Variants in PSD3 observed in about 807,000 individuals in gnomAD.
The protein encoded by PSD3 is PH and SEC7 domain-containing protein 3.
In PSD3, 49 loss-of-function variants were observed where a neutral mutation model predicts 105.5. That is an observed-to-expected ratio of 0.46 (90% CI 0.37 to 0.59). PSD3 has a LOEUF of 0.59. Ranked by LOEUF, PSD3 falls within the 20% of genes least tolerant of loss-of-function variation. The probability of loss-of-function intolerance (pLI) is 0.00; values close to 1 mark genes in which losing one functional copy is unlikely to be tolerated. For missense variants in PSD3, 1,561 were observed against 1,263.8 expected, an observed-to-expected ratio of 1.24 and a Z score of -3.57; for synonymous variants, 557 against 457.8, an observed-to-expected ratio of 1.22 and a Z score of -2.77.
At chr8:18,675,146 C>T (rs1799999345) in intron 9 of PSD3, among the ~76,000 whole-genome samples, 1 of 152,148 alleles carries the variant, frequency 6.6e-6, no homozygotes, top group East Asian at 1.9e-4. Context: ...TAGGTAGGAC[C>T]TCAACCCTTT....
At chr8:18,737,679 A>G (rs757776341) in intron 9 of PSD3, among the ~76,000 whole-genome samples, 2 of 152,180 alleles carry the variant, frequency 1.3e-5, no homozygotes, top group Non-Finnish European at 2.9e-5. Flanking sequence ...AGTCTTGCAA[A>G]TATCAGTTTC....
intron 1 of PSD3, among the ~76,000 whole-genome samples, chr8:18,949,270 T>TAC (rs1823089582): frequency 9.2e-6 from 1 of 108,794 alleles, no homozygotes; most frequent in South Asian, 3.2e-4. Context: ...TATATATATA[T>TAC]ATATATATTT....
In PSD3 at chr8:18,527,662, C is replaced by G. The variant is rs767143598; in HGVS notation, c.*8081G>C. 8.5e-5 allele frequency: 13 copies of G among 152,554 alleles called. No homozygotes were observed. The highest frequency in any genetic ancestry group is 1.6e-4 in the Non-Finnish European group (11 of 68,008). The allele number at this position is 152,554 out of a possible 1,614,324, so 9.5% of individuals were successfully genotyped here. A position where few individuals can be genotyped will look rare whatever the true frequency, so the allele number is the denominator to read the frequency against. ...AATTGTAAAATGTAAACTTAATTGT[C>G]AAAATATTCTTTAAACACTTTAACA... is the stretch of plus-strand genomic sequence containing the variant. On this transcript the variant is annotated 3_prime_UTR_variant, in exon 16 of 16. Coordinates refer to ENST00000327040, the MANE Select transcript of PSD3 (RefSeq NM_015310.4).
chr8:18,797,204 C>G (rs942333815), intron 8 of PSD3, among the ~76,000 whole-genome samples: 1 of 152,086 alleles, frequency 6.6e-6, no homozygotes, highest in Non-Finnish European at 1.5e-5. Flanking sequence ...ATACATAAAA[C>G]CTAAATAGAC....
intron 1 of PSD3, among the ~76,000 whole-genome samples, chr8:19,030,997 A>C (rs1376213993): frequency 6.6e-6 from 1 of 152,180 alleles, no homozygotes; most frequent in Non-Finnish European, 1.5e-5. Context: ...TCCTAGGCAC[A>C]AAGGAAGACT....
chr8:18,762,922 T>A (rs1806659596), intron 9 of PSD3: 1 of 1,279,882 alleles, frequency 7.8e-7, no homozygotes, highest in East Asian at 5.6e-5. Context: ...ATGGAATAAC[T>A]GTTTATTTTA....
intron 11 of PSD3, among the ~76,000 whole-genome samples, chr8:18,605,291 C>T (rs1005407153): frequency 1.3e-5 from 2 of 151,968 alleles, no homozygotes; most frequent in Non-Finnish European, 2.9e-5. Context: ...GGATGTTAGA[C>T]ATGGAGCCAA....
intron 1 of PSD3, among the ~76,000 whole-genome samples, chr8:18,944,988 G>T (rs1219090422): frequency 6.6e-6 from 1 of 152,034 alleles, no homozygotes; most frequent in Non-Finnish European, 1.5e-5. Flanking sequence ...ATATTCTTTA[G>T]ATCTAAGACC....
intron 6 of PSD3, among the ~76,000 whole-genome samples, chr8:18,803,968 A>G (rs1050217838): frequency 6.6e-6 from 1 of 151,056 alleles, no homozygotes; most frequent in Admixed American, 6.6e-5. Flanking sequence ...TAAAAAAACG[A>G]AAAACAGAAA....
chr8:18,706,049 C>A (rs1801876966), intron 9 of PSD3, among the ~76,000 whole-genome samples: 1 of 152,188 alleles, frequency 6.6e-6, no homozygotes. Context: ...ATTCCAGCAG[C>A]TTTAAATGCA....
At chr8:18,651,008 T>C (rs1337846627) in intron 10 of PSD3, among the ~76,000 whole-genome samples, 2 of 152,206 alleles carry the variant, frequency 1.3e-5, no homozygotes, top group Non-Finnish European at 2.9e-5. Flanking sequence ...ATTTTCCTCA[T>C]ATATAAAGTA....
At chr8:18,538,317 A>G (rs773100274) in intron 15 of PSD3, among the ~76,000 whole-genome samples, 6 of 152,246 alleles carry the variant, frequency 3.9e-5, no homozygotes, top group Non-Finnish European at 8.8e-5. Context: ...AGAAGGCCAC[A>G]TGATAGTTTC....
chr8:18,939,302 G>A (rs1435986078), intron 1 of PSD3, among the ~76,000 whole-genome samples: 1 of 152,102 alleles, frequency 6.6e-6, no homozygotes, highest in Non-Finnish European at 1.5e-5. Context: ...TTTACCTTTA[G>A]ATGAAATTTA....
intron 2 of PSD3, among the ~76,000 whole-genome samples, chr8:18,921,224 G>A (rs946093634): frequency 1.3e-5 from 2 of 152,154 alleles, no homozygotes; most frequent in Middle Eastern, 3.2e-3. Flanking sequence ...GTTCAGCTCT[G>A]CATGTCAGTA....
intron 4 of PSD3, among the ~76,000 whole-genome samples, chr8:18,811,412 T>G (rs545415097): frequency 6.6e-6 from 1 of 152,264 alleles, no homozygotes; most frequent in African/African-American, 2.4e-5. Context: ...CTTGGTAGAC[T>G]ACAGTAAGCA....
intron 2 of PSD3, among the ~76,000 whole-genome samples, chr8:18,905,120 G>C (rs892957903): frequency 6.6e-6 from 1 of 152,218 alleles, no homozygotes; most frequent in Non-Finnish European, 1.5e-5. Flanking sequence ...CTAGAAGCTG[G>C]ATGAAGAATC....
intron 9 of PSD3, among the ~76,000 whole-genome samples, chr8:18,743,799 A>G (rs1167047129): frequency 6.7e-6 from 1 of 150,340 alleles, no homozygotes; most frequent in East Asian, 1.9e-4. Flanking sequence ...AAGAAAGAAA[A>G]TTAGCTAGGC....
intron 12 of PSD3, among the ~76,000 whole-genome samples, chr8:18,591,523 TG>T (rs1240796532): frequency 6.6e-6 from 1 of 152,132 alleles, no homozygotes; most frequent in Non-Finnish European, 1.5e-5. Flanking sequence ...CAGCTCTTCT[TG>T]GCCCCAAGGG....
intron 15 of PSD3, among the ~76,000 whole-genome samples, chr8:18,552,532 T>G (rs1313368567): frequency 6.6e-6 from 1 of 152,218 alleles, no homozygotes; most frequent in African/African-American, 2.4e-5. Context: ...AACTGTGCTT[T>G]GTTTGGAGCC....
Sources: gnomAD v4.1 joint callset for allele counts (sites outside exome capture counted in the v4.1 genomes callset) on GRCh38, gnomAD v4.1.1 for gene constraint, MANE v1.5 for transcripts, NCBI Gene and HGNC (gene_info 2026-07-23, HGNC 2026-07-21) for gene names.